Variants in DYM observed in about 807,000 individuals in gnomAD.
The protein encoded by DYM is dyggve-Melchior-Clausen syndrome protein.
DYM carries 78 observed loss-of-function variants against 93.1 expected under a neutral mutation model. The observed-to-expected ratio is 0.84, with a 90% CI of 0.70 to 1.01. DYM has a LOEUF of 1.01. DYM is among the 50% of genes least tolerant of loss of function. The pLI is 0.00. For missense variants in DYM, 789 were observed against 845.0 expected (o/e 0.93, Z 0.82); for synonymous variants, 321 against 319.7 (o/e 1.00, Z -0.04).
intron 17 of DYM, among the ~76,000 whole-genome samples, chr18:49,074,414 G>C (rs1025407900): frequency 6.6e-6 from 1 of 152,128 alleles, no homozygotes; most frequent in Non-Finnish European, 1.5e-5. Flanking sequence ...GAGCATCTGT[G>C]GATTTTGGTA....
intron 6 of DYM, among the ~76,000 whole-genome samples, chr18:49,335,525 T>G: frequency 6.6e-6 from 1 of 152,220 alleles, no homozygotes; most frequent in East Asian, 1.9e-4. Flanking sequence ...CTTTCATGAA[T>G]TGAATGAAAG....
chr18:49,113,743 C>A (rs545703703), intron 16 of DYM, among the ~76,000 whole-genome samples: 1 of 152,286 alleles, frequency 6.6e-6, no homozygotes, highest in South Asian at 2.1e-4. Context: ...AGGTAAAGTA[C>A]TGAAAAAGGC....
chr18:49,387,124 G>C (rs905528783), intron 3 of DYM, among the ~76,000 whole-genome samples: 1 of 151,654 alleles, frequency 6.6e-6, no homozygotes, highest in Non-Finnish European at 1.5e-5. Flanking sequence ...TTTTTGTAGA[G>C]ACAGGGTCTT....
intron 14 of DYM, among the ~76,000 whole-genome samples, chr18:49,166,988 CCGTGTGTGTGTGTG>C (rs2087961737): frequency 1.1e-5 from 1 of 87,904 alleles, no homozygotes; most frequent in African/African-American, 4.5e-5. Flanking sequence ...TTCTCACATT[CCGTGTGTGTGTGTG>C]TGTGTGTGTG....
intron 11 of DYM, among the ~76,000 whole-genome samples, chr18:49,260,937 CAGA>C (rs1217627775): frequency 6.6e-6 from 1 of 150,884 alleles, no homozygotes; most frequent in Admixed American, 6.6e-5. Context: ...AGGACAAATC[CAGA>C]AGAATTCAAG....
At chr18:49,237,734 C>A (rs143688249) in intron 13 of DYM, among the ~76,000 whole-genome samples, 20 of 152,288 alleles carry the variant, frequency 1.3e-4, no homozygotes, top group African/African-American at 4.6e-4. Flanking sequence ...CACCCCATAA[C>A]CACTTTTATC....
chr18:49,178,354 A>ACAT (rs5824780), intron 14 of DYM, among the ~76,000 whole-genome samples: 3,620 of 152,194 alleles, frequency 0.024, 98 homozygotes, highest in Admixed American at 0.069. Flanking sequence ...ATGGTTTAGT[A>ACAT]CATCAGTACA....
chr18:49,326,737 C>A (rs1281800316), intron 8 of DYM, among the ~76,000 whole-genome samples: 2 of 151,994 alleles, frequency 1.3e-5, no homozygotes, highest in Non-Finnish European at 2.9e-5. Context: ...AAAAATTCAA[C>A]TTAAGTGAAA....
chr18:49,289,790 C>CATATATATAT (rs2059985931), intron 8 of DYM, among the ~76,000 whole-genome samples: 2 of 35,726 alleles, frequency 5.6e-5, no homozygotes, highest in African/African-American at 2.6e-4. Flanking sequence ...TATATATATA[C>CATATATATAT]ACACATATAT....
chr18:49,243,591 G>A (rs1166622659), intron 13 of DYM, among the ~76,000 whole-genome samples: 3 of 151,346 alleles, frequency 2.0e-5, no homozygotes, highest in Non-Finnish European at 2.9e-5. Flanking sequence ...CTTGAACCTG[G>A]GAGGTGGAGG....
intron 8 of DYM, among the ~76,000 whole-genome samples, chr18:49,292,617 A>AAAC (rs2060230920): frequency 7.1e-6 from 1 of 140,410 alleles, no homozygotes; most frequent in Non-Finnish European, 1.6e-5. Flanking sequence ...AAAAAAAAAA[A>AAAC]AAAAAAAACC....
chr18:49,061,972 C>T (rs754636581), intron 17 of DYM, among the ~76,000 whole-genome samples: 3 of 152,286 alleles, frequency 2.0e-5, no homozygotes, highest in Non-Finnish European at 2.9e-5. Context: ...TTTTCTGATA[C>T]GGTCTCTCTT....
At chr18:49,131,127 G>C (rs1333759565) in intron 15 of DYM, among the ~76,000 whole-genome samples, 2 of 152,096 alleles carry the variant, frequency 1.3e-5, no homozygotes, top group African/African-American at 4.8e-5. Flanking sequence ...ACAAACAACA[G>C]ACAAAATGCT....
chr18:49,241,000 C>A (rs1038173893), intron 13 of DYM, among the ~76,000 whole-genome samples: 2 of 152,154 alleles, frequency 1.3e-5, no homozygotes, highest in Admixed American at 6.5e-5. Context: ...CAGTTAGGCA[C>A]CACTTGATTT....
At chr18:49,112,734 A>G (rs73441516) in intron 16 of DYM, among the ~76,000 whole-genome samples, 3,813 of 152,204 alleles carry the variant, frequency 0.025, 152 homozygotes, top group African/African-American at 0.085. Context: ...GTACAGTTCA[A>G]CCAGTTTTGA....
At chr18:49,217,297 C>T (rs1196731978) in intron 13 of DYM, among the ~76,000 whole-genome samples, 1 of 152,116 alleles carries the variant, frequency 6.6e-6, no homozygotes, top group African/African-American at 2.4e-5. Context: ...CTGAAAGTGA[C>T]GGGGAGGATG....
intron 16 of DYM, among the ~76,000 whole-genome samples, chr18:49,103,567 T>C (rs1311083647): frequency 6.6e-6 from 1 of 152,230 alleles, no homozygotes. Flanking sequence ...AAGTCTTTAA[T>C]CCATCTTGAA....
chr18:49,207,772 G>A (rs544957163), intron 14 of DYM, among the ~76,000 whole-genome samples: 1 of 152,082 alleles, frequency 6.6e-6, no homozygotes, highest in Non-Finnish European at 1.5e-5. Flanking sequence ...TTTCAGACTT[G>A]CAAGCCCCTG....
At chr18:49,358,395 C>T (rs955257482) in intron 6 of DYM, among the ~76,000 whole-genome samples, 11 of 152,078 alleles carry the variant, frequency 7.2e-5, no homozygotes, top group African/African-American at 2.7e-4. Context: ...GACTGGCATG[C>T]TCCACATTAG....
Sources: allele counts gnomAD v4.1 joint callset (sites outside exome capture counted in the v4.1 genomes callset), GRCh38; gene constraint gnomAD v4.1.1; transcripts MANE v1.5; gene names NCBI Gene and HGNC (gene_info 2026-07-23, HGNC 2026-07-21).